The following ZNF267 variants were observed in gnomAD, a reference collection of about 807,000 sequenced individuals.
ZNF267 encodes zinc finger (C2H2).
A neutral mutation model predicts 71.6 loss-of-function variants in ZNF267; 61 were observed. That is an observed-to-expected ratio of 0.85 (90% CI 0.69 to 1.05). The LOEUF is 1.05. Ranked by LOEUF, ZNF267 falls within the 50% of genes least tolerant of loss-of-function variation. The probability of loss-of-function intolerance (pLI) is 0.00; values close to 1 mark genes in which losing one functional copy is unlikely to be tolerated. For missense variants in ZNF267, 852 were observed against 870.0 expected, an observed-to-expected ratio of 0.98 and a Z score of 0.26; for synonymous variants, 288 against 293.2, an observed-to-expected ratio of 0.98 and a Z score of 0.18.
intron 3 of ZNF267, among the ~76,000 whole-genome samples, chr16:31,898,998 T>C (rs914575440): frequency 4.6e-5 from 7 of 152,240 alleles, no homozygotes; most frequent in African/African-American, 1.7e-4. Flanking sequence ...ATCCTAAATA[T>C]ATATACACCC....
chr16:31,899,129 A>T (rs62052281), intron 3 of ZNF267, among the ~76,000 whole-genome samples: 10,895 of 152,286 alleles, frequency 0.072, 489 homozygotes, highest in Non-Finnish European at 0.11. Context: ...TCAAGGAGAC[A>T]GAAAATTAAC....
At chr16:31,887,611 T>C (rs1038357131) in intron 3 of ZNF267, among the ~76,000 whole-genome samples, 1 of 152,208 alleles carries the variant, frequency 6.6e-6, no homozygotes, top group African/African-American at 2.4e-5. Flanking sequence ...ATGACTACTT[T>C]CTTTCAGCAT....
At chr16:31,877,282 TAAAAC>T (rs1477228879) in intron 1 of ZNF267, among the ~76,000 whole-genome samples, 13 of 152,154 alleles carry the variant, frequency 8.5e-5, no homozygotes, top group Admixed American at 7.2e-4. Context: ...TTTTGTCAAA[TAAAAC>T]AAATTCAGGT....
Position 31,916,299 on chromosome 16 carries a change from G to T in ZNF267, c.2050G>T (p.Gly684Ter). Residue 684 changes from glycine to a stop codon, truncating the protein, a stop_gained, in exon 4 of 4, where the codon GGA becomes TGA. Coordinates refer to ENST00000300870, the MANE Select transcript of ZNF267 (RefSeq NM_003414.6). LOFTEE classifies it high-confidence loss of function. ...CACTACACATCGGAGAAGACATACT[G>T]GAGAGAGACCCTACAAATGTGATGA... ...YLTTHRRRHT[G>*]ERPYKCDECG... The T allele has an allele frequency of 1.2e-6, 2 of 1,613,476 alleles. No homozygotes were observed. Among genetic ancestry groups the T allele is most frequent in the Non-Finnish European group, 1.7e-6 (2 of 1,179,856 alleles).
chr16:31,907,653 G>A (rs1291715378), intron 3 of ZNF267, among the ~76,000 whole-genome samples: 1 of 152,034 alleles, frequency 6.6e-6, no homozygotes, highest in Non-Finnish European at 1.5e-5. Context: ...TGTTATCCCA[G>A]CTACTTTGGA....
chr16:31,885,008 T>G (rs2083914052), intron 2 of ZNF267, among the ~76,000 whole-genome samples, 153 bp from the exon 3 acceptor site: 1 of 152,210 alleles, frequency 6.6e-6, no homozygotes, highest in Non-Finnish European at 1.5e-5. Context: ...TGAGAAATAC[T>G]TTTCAAGAAT....
At position 31,879,188 on chromosome 16, in the gene ZNF267, C is replaced by G. The variant is rs942527932; in HGVS notation, c.3+5219C>G. On this transcript the variant is annotated intron_variant, in intron 1 of 3. Transcript: ENST00000300870. ...ACCTGGCTCCAAGTTGCAAATCTGCCTGTCATAAAGACATGAAGTTTATTT... is the reference window on the plus strand; with the variant it reads ...ACCTGGCTCCAAGTTGCAAATCTGCGTGTCATAAAGACATGAAGTTTATTT... 6.6e-5 allele frequency among the ~76,000 whole-genome samples: 10 copies of G among 152,202 alleles called. No individual in the cohort carries two copies. In the South Asian group the frequency reaches 2.1e-3, roughly 31 times the overall value.
chr16:31,911,454 A>G (rs748923344), intron 3 of ZNF267, among the ~76,000 whole-genome samples: 10 of 151,386 alleles, frequency 6.6e-5, no homozygotes, highest in Non-Finnish European at 1.3e-4. Flanking sequence ...CTTGAAATAT[A>G]TTTTATCTGA....
chr16:31,915,924 T>TA lies in ZNF267; in HGVS notation c.1676dup (p.Tyr559Ter). 1 of 1,613,972 alleles carries TA rather than the reference T, an allele frequency of 6.2e-7. No individual in the cohort carries two copies. The change falls in exon 4 of 4, where the codon TAT becomes TAAT. Residue 559 changes from tyrosine to a stop codon, truncating the protein, a stop_gained and frameshift_variant. Coordinates refer to ENST00000300870, the MANE Select transcript of ZNF267 (RefSeq NM_003414.6). LOFTEE classifies it high-confidence loss of function. ...TAAAGAATGTGGCAAAGCCTTTCCT[T>TA]ATAGTTCACACCTTATTCGACATCA... ...KCKECGKAFP[Y>*]SSHLIRHHRI...
chr16:31,894,718 A>C (rs764440756), intron 3 of ZNF267: 2 of 477,422 alleles, frequency 4.2e-6, no homozygotes, highest in Non-Finnish European at 8.3e-6. Flanking sequence ...AGGGCATTCC[A>C]AATGCTCTAA....
At position 31,885,161 on chromosome 16, in the gene ZNF267, G is replaced by A; in HGVS notation, c.131G>A (p.Gly44Asp). Residue 44 changes from glycine (G) to aspartate (D), a missense_variant and splice_region_variant, in exon 3 of 4, where the codon GGT becomes GAT. Transcript: ENST00000300870. The stretch of plus-strand genomic sequence containing the variant: ...CATGTGAATTTTTCCAATAAAACAG[G>A]TCTTGTTGTCTCTAAGCCGGACCTG... ...LENYRNLVSL[G>D]LVVSKPDLIT... 1 of 1,602,552 alleles carries A rather than the reference G, an allele frequency of 6.2e-7. No homozygotes were observed. Among genetic ancestry groups the A allele is most frequent in the Non-Finnish European group, 8.5e-7 (1 of 1,175,378 alleles).
In ZNF267 at chr16:31,914,900, T is replaced by C. The variant is rs373622249; in HGVS notation, c.651T>C (p.His217=). The part of the protein sequence containing the change: ...RNVFIGEKNY[H]CNNSEKTLNQ... The stretch of plus-strand genomic sequence containing the variant: ...TTTTTATTGGAGAGAAAAATTATCA[T>C]TGCAATAATTCTGAAAAAACCTTGA... The change falls in exon 4 of 4, where the codon CAT becomes CAC. Residue 217 remains histidine (H), a synonymous_variant. Transcript: ENST00000300870. 58 of 1,612,370 alleles carry C rather than the reference T, an allele frequency of 3.6e-5. No homozygotes were observed. Among genetic ancestry groups the C allele is most frequent in the Non-Finnish European group, 4.6e-5 (54 of 1,179,548 alleles).
intron 3 of ZNF267, among the ~76,000 whole-genome samples, chr16:31,894,070 C>T (rs1353304356): frequency 1.3e-5 from 2 of 152,242 alleles, no homozygotes; most frequent in African/African-American, 2.4e-5. Context: ...AAGCCTGCCA[C>T]TTGGCCAAGG....
chr16:31,909,212 A>T (rs1179827345), intron 3 of ZNF267, among the ~76,000 whole-genome samples: 1 of 136,114 alleles, frequency 7.3e-6, no homozygotes, highest in African/African-American at 2.7e-5. Flanking sequence ...GCTCACTGCA[A>T]CCTCCGCCTC....
chr16:31,875,358 T>C (rs2083844921), intron 1 of ZNF267: 1 of 1,259,458 alleles, frequency 7.9e-7, no homozygotes, highest in Admixed American at 2.7e-5. Flanking sequence ...CTGAGAGAAA[T>C]CTCCTGGGAC....
intron 3 of ZNF267, chr16:31,894,958 T>C: frequency 2.9e-6 from 1 of 342,194 alleles, no homozygotes. Context: ...GAAGACAGCC[T>C]CTTTCTTCTA....
chr16:31,885,183 C>T lies in ZNF267; in HGVS notation c.153C>T (p.Asp51=). 6.2e-7 allele frequency: 1 copy of T among 1,611,330 alleles called. No homozygotes were observed. The highest frequency in any genetic ancestry group is 8.5e-7 in the Non-Finnish European group (1 of 1,179,174). The stretch of plus-strand genomic sequence containing the variant: ...CAGGTCTTGTTGTCTCTAAGCCGGA[C>T]CTGATCACCTTTTTGGAACAAAGGA... The part of the protein sequence containing the change: ...VSLGLVVSKP[D]LITFLEQRKE... The change falls in exon 3 of 4, where the codon GAC becomes GAT. Residue 51 remains aspartate, a synonymous_variant. Transcript: ENST00000300870.
At chr16:31,912,212 A>C (rs1458922566) in intron 3 of ZNF267, 2 of 151,600 alleles carry the variant, frequency 1.3e-5, no homozygotes, top group Non-Finnish European at 2.9e-5. Flanking sequence ...AATGCCCCTT[A>C]GTATTACTTG....
rs200983292 is a variant in ZNF267 at position 31,915,141 on chromosome 16, A to G, written c.892A>G (p.Asn298Asp). ...IHIRENSYSY[N>D]KYDKDLSQSS... is the part of the protein sequence containing the mutation. ...TATCAGAGAAAACTCATATAGCTAT[A>G]ACAAATATGATAAAGATCTTAGTCA... Residue 298 changes from asparagine to aspartate, a missense_variant, in exon 4 of 4, where the codon AAC (asparagine) becomes GAC (aspartate). Asn to Asp is a conservative substitution (Grantham distance 23). Coordinates refer to ENST00000300870, the MANE Select transcript of ZNF267 (RefSeq NM_003414.6). 2.5e-6 allele frequency: 4 copies of G among 1,613,148 alleles called. No individual in the cohort carries two copies. The highest frequency in any genetic ancestry group is 1.7e-6 in the Non-Finnish European group (2 of 1,179,694).
Sources: allele counts gnomAD v4.1 joint callset (sites outside exome capture counted in the v4.1 genomes callset), GRCh38; gene constraint gnomAD v4.1.1; transcripts MANE v1.5; gene names NCBI Gene and HGNC (gene_info 2026-07-23, HGNC 2026-07-21).